Variants in ABLIM2 observed in about 807,000 individuals in gnomAD.
ABLIM2 encodes actin binding LIM protein family member 2.
ABLIM2 carries 53 observed loss-of-function variants against 97.7 expected under a neutral mutation model. The ratio of observed to expected loss-of-function variants is 0.54; its 90% CI spans 0.44 to 0.68. ABLIM2 has a LOEUF of 0.68. Ranked by LOEUF, ABLIM2 falls within the 30% of genes least tolerant of loss-of-function variation. The pLI is 0.00. For missense variants in ABLIM2, 835 were observed against 867.2 expected (o/e 0.96, Z 0.47); for synonymous variants, 361 against 345.8 (o/e 1.04, Z -0.49).
chr4:8,116,050 G>A (rs1229531374), intron 1 of ABLIM2, among the ~76,000 whole-genome samples: 2 of 152,246 alleles, frequency 1.3e-5, no homozygotes, highest in East Asian at 3.9e-4. Context: ...CTGGCTCCCA[G>A]CTCTTGAGTC....
At chr4:8,114,362 C>A (rs1481277827) in intron 1 of ABLIM2, among the ~76,000 whole-genome samples, 4 of 152,198 alleles carry the variant, frequency 2.6e-5, no homozygotes, top group African/African-American at 9.6e-5. Flanking sequence ...AGCGTACAGG[C>A]ACGCACACTT....
chr4:8,154,223 A>C (rs757716089), intron 1 of ABLIM2, among the ~76,000 whole-genome samples: 58 of 149,600 alleles, frequency 3.9e-4, no homozygotes, highest in Non-Finnish European at 6.4e-4. Flanking sequence ...CGGCCTCCCA[A>C]AGTGCTGGGA....
intron 20 of ABLIM2, among the ~76,000 whole-genome samples, chr4:7,978,360 C>A: frequency 6.6e-6 from 1 of 152,192 alleles, no homozygotes; most frequent in East Asian, 1.9e-4. Flanking sequence ...GTGATTAAAA[C>A]CATTACCCAG....
Position 7,970,066 on chromosome 4 carries a change from A to T in ABLIM2, c.1825-2963T>A, listed in dbSNP as rs1726534547. ...TATGGTGGAACAATCAAGACGGATG[A>T]GATCAAAGGAAAGAAAAAGGAAAAT... On this transcript the variant is annotated intron_variant, in intron 20 of 20. Transcript: ENST00000447017. This position sits in a 1 kb window ranked among gnomAD's most constrained non-coding sequence, Gnocchi z 5.3. Among the ~76,000 whole-genome samples the T allele has an allele frequency of 6.6e-6, 1 of 152,238 alleles. No individual in the cohort carries two copies. Among genetic ancestry groups the T allele is most frequent in the African/African-American group, 2.4e-5 (1 of 41,472 alleles).
Position 8,037,305 on chromosome 4 carries a change from C to T in ABLIM2, c.901-1010G>A, listed in dbSNP as rs891939151. Among the ~76,000 whole-genome samples, 10 of 151,652 alleles carry T rather than the reference C, an allele frequency of 6.6e-5. No individual in the cohort carries two copies. In the South Asian group the frequency reaches 1.5e-3, roughly 22 times the overall value. On this transcript the variant is annotated intron_variant, in intron 9 of 20. Transcript: ENST00000447017. ...ACATACGCACACATGCACACACACA[C>T]GCACATGCATGCGCACACATGCACA...
At chr4:8,117,844 C>T (rs969134611) in intron 1 of ABLIM2, among the ~76,000 whole-genome samples, 3 of 152,234 alleles carry the variant, frequency 2.0e-5, no homozygotes, top group African/African-American at 7.2e-5. Context: ...CCCCACGCAG[C>T]GTCCTGTTGG....
intron 1 of ABLIM2, among the ~76,000 whole-genome samples, chr4:8,119,274 G>A (rs1464417087): frequency 6.6e-6 from 1 of 151,972 alleles, no homozygotes; most frequent in Non-Finnish European, 1.5e-5. Flanking sequence ...GAAGCCCAAA[G>A]GAGGCTGGAG....
Position 7,995,196 on chromosome 4 carries a change from G to T in ABLIM2, c.1619-2269C>A, listed in dbSNP as rs570899583. Among the ~76,000 whole-genome samples the T allele has an allele frequency of 8.5e-5, 13 of 152,336 alleles. No homozygotes were observed. The East Asian group carries it at 2.1e-3, about 25-fold the overall frequency. On this transcript the variant is annotated intron_variant, in intron 16 of 20. Coordinates refer to ENST00000447017, the MANE Select transcript of ABLIM2 (RefSeq NM_001130083.2). ...GAAGCATTCTTAAAAGACCTGTCCT[G>T]GGTCCCTAAACTGTCTGTCTTTCCA... is the stretch of plus-strand genomic sequence containing the variant.
rs1375681587 is a variant in ABLIM2, at chr4:8,158,770, T to C, written c.-81A>G. 27 of 1,235,048 alleles carry C rather than the reference T, an allele frequency of 2.2e-5. No individual in the cohort carries two copies. Among genetic ancestry groups the C allele is most frequent in the Non-Finnish European group, 2.8e-5 (27 of 981,478 alleles). The allele number at this position is 1,235,048 out of a possible 1,614,324, so 76.5% of individuals were successfully genotyped here. On this transcript the variant is annotated 5_prime_UTR_variant, in exon 1 of 21. Transcript: ENST00000447017. ...GCCCGCAGGTGCCGCGCCCGCGCTA[T>C]CCTCCGCCCGCCCGCCGGCTCCGCG...
intron 1 of ABLIM2, among the ~76,000 whole-genome samples, chr4:8,139,799 T>C (rs1850694794): frequency 1.3e-5 from 2 of 152,176 alleles, no homozygotes; most frequent in Non-Finnish European, 2.9e-5. Context: ...GATACATGCA[T>C]GTGTATATTC....
rs1329641939 is a variant in ABLIM2, at chr4:8,015,669, C to A, written c.1423+3949G>T. On this transcript the variant is annotated intron_variant, in intron 14 of 20. Coordinates refer to ENST00000447017, the MANE Select transcript of ABLIM2 (RefSeq NM_001130083.2). The surrounding 1 kb of genome is among the most constrained non-coding windows in gnomAD (Gnocchi z 4.6). Reference sequence around the variant, plus strand: ...CTTTGGGTGGGCAGGAGTGACAGCCCCCACCTGCCGGACAAGTGGTGGGAG... The same window carrying A: ...CTTTGGGTGGGCAGGAGTGACAGCCACCACCTGCCGGACAAGTGGTGGGAG... Among the ~76,000 whole-genome samples, 1 of 152,108 alleles carries A rather than the reference C, an allele frequency of 6.6e-6. No individual in the cohort carries two copies. The highest frequency in any genetic ancestry group is 1.5e-5 in the Non-Finnish European group (1 of 68,036).
In ABLIM2 at chr4:8,005,483, G is replaced by C. The variant is rs929680918; in HGVS notation, c.1618+2576C>G. 1.7e-5 allele frequency: 9 copies of C among 526,888 alleles called. No homozygotes were observed. Among genetic ancestry groups the C allele is most frequent in the Non-Finnish European group, 2.7e-5 (7 of 258,528 alleles). The allele number at this position is 526,888 out of a possible 1,614,324, so 32.6% of individuals were successfully genotyped here. ...GCAAATGCTTTGTTCAGTAAAAGCT[G>C]TGTGCAAATGGAACTGGTGCCCACG... On this transcript the variant is annotated intron_variant, in intron 16 of 20. Coordinates refer to ENST00000447017, the MANE Select transcript of ABLIM2 (RefSeq NM_001130083.2). The surrounding 1 kb of genome is among the most constrained non-coding windows in gnomAD (Gnocchi z 4.9).
Position 7,993,000 on chromosome 4 carries a change from G to C in ABLIM2, c.1619-73C>G. 1 of 1,527,804 alleles carries C rather than the reference G, an allele frequency of 6.5e-7. No individual in the cohort carries two copies. The highest frequency in any genetic ancestry group is 9.0e-7 in the Non-Finnish European group (1 of 1,113,828). 94.6% of individuals were successfully genotyped at this position (1,527,804 alleles called of 1,614,324 possible). On this transcript the variant is annotated intron_variant, in intron 16 of 20. Transcript: ENST00000447017. The surrounding 1 kb of genome is among the most constrained non-coding windows in gnomAD (Gnocchi z 5.7). ...GCAATGGGGGTGCAGCCCTGGGGGG[G>C]CTTCCCACCGGGGTGGGCAAGGCTG...
At position 8,067,122 on chromosome 4, in the gene ABLIM2, T is replaced by C. The variant is rs541371407; in HGVS notation, c.676-6068A>G. 1 of 152,262 alleles carries C rather than the reference T, an allele frequency of 6.6e-6. No homozygotes were observed. The highest frequency in any genetic ancestry group is 2.4e-5 in the African/African-American group (1 of 41,532). The allele number at this position is 152,262 out of a possible 1,614,324, so 9.4% of individuals were successfully genotyped here. On this transcript the variant is annotated intron_variant, in intron 6 of 20. Transcript: ENST00000447017. This position sits in a 1 kb window ranked among gnomAD's most constrained non-coding sequence, Gnocchi z 5.4. ...ACCCAAGGCCATGTCATTGAGAGAA[T>C]GAGGAGCCAGGATCCAAAGAAGGCA... is the stretch of plus-strand genomic sequence containing the variant.
chr4:8,011,438 C>G (rs1460761761), intron 14 of ABLIM2, among the ~76,000 whole-genome samples: 2 of 152,200 alleles, frequency 1.3e-5, no homozygotes, highest in Non-Finnish European at 1.5e-5. Context: ...GAAACTGGCA[C>G]TTCGGATTAT....
chr4:8,073,648 A>G (rs1813890629), intron 6 of ABLIM2, among the ~76,000 whole-genome samples: 1 of 151,676 alleles, frequency 6.6e-6, no homozygotes, highest in Non-Finnish European at 1.5e-5. Flanking sequence ...ATCAGATATG[A>G]TCGCCACCCA....
Position 7,966,357 on chromosome 4 carries a change from G to A in ABLIM2, c.*633C>T, listed in dbSNP as rs1722966788. 6.5e-6 allele frequency: 1 copy of A among 152,718 alleles called. No individual in the cohort carries two copies. Among genetic ancestry groups the A allele is most frequent in the African/African-American group, 2.4e-5 (1 of 41,444 alleles). 9.5% of individuals were successfully genotyped at this position (152,718 alleles called of 1,614,324 possible). A position where few individuals can be genotyped will look rare whatever the true frequency, so the allele number is the denominator to read the frequency against. Reference sequence around the variant, plus strand: ...TAAAGATATTGTGTAGGCATCTAGGGGTCGATCTGGAGGAGGAACGCAGCG... The same window carrying A: ...TAAAGATATTGTGTAGGCATCTAGGAGTCGATCTGGAGGAGGAACGCAGCG... On this transcript the variant is annotated 3_prime_UTR_variant, in exon 21 of 21. Transcript: ENST00000447017.
In ABLIM2 at chr4:8,158,791, C is replaced by T. The variant is rs1008421239; in HGVS notation, c.-102G>A. ...GCTATCCTCCGCCCGCCCGCCGGCTCCGCGCCCGCTCCTTGCGCACACGCC... is the reference window on the plus strand; with the variant it reads ...GCTATCCTCCGCCCGCCCGCCGGCTTCGCGCCCGCTCCTTGCGCACACGCC... On this transcript the variant is annotated 5_prime_UTR_variant, in exon 1 of 21. Transcript: ENST00000447017. 1 of 1,107,176 alleles carries T rather than the reference C, an allele frequency of 9.0e-7. No homozygotes were observed. The highest frequency in any genetic ancestry group is 1.1e-6 in the Non-Finnish European group (1 of 877,776). 68.6% of individuals were successfully genotyped at this position (1,107,176 alleles called of 1,614,324 possible).
At chr4:8,007,528 C>G in intron 16 of ABLIM2, 1 of 985,646 alleles carries the variant, frequency 1.0e-6, no homozygotes, top group Non-Finnish European at 1.2e-6. Context: ...GGAGTTTTCT[C>G]TACATTTGAA....
Sources: allele counts gnomAD v4.1 joint callset (sites outside exome capture counted in the v4.1 genomes callset), GRCh38; gene constraint gnomAD v4.1.1; non-coding constraint Gnocchi (gnomAD v3.1); transcripts MANE v1.5; gene names NCBI Gene and HGNC (gene_info 2026-07-23, HGNC 2026-07-21).